NNT: variants seen among roughly 807,000 people sequenced by gnomAD.
NNT encodes the protein nicotinamide nucleotide transhydrogenase.
A neutral mutation model predicts 104.8 loss-of-function variants in NNT; 50 were observed. That is an observed-to-expected ratio of 0.48 (90% CI 0.38 to 0.60). NNT has a LOEUF of 0.60. Among genes scored for constraint, NNT ranks in the 20% least tolerant of loss-of-function variants. The probability of loss-of-function intolerance (pLI) is 0.00; values close to 1 mark genes in which losing one functional copy is unlikely to be tolerated. For missense variants in NNT, 1,131 were observed against 1,330.7 expected, an observed-to-expected ratio of 0.85 and a Z score of 2.33; for synonymous variants, 461 against 490.4, an observed-to-expected ratio of 0.94 and a Z score of 0.79.
chr5:43,640,138 T>G (rs1208050198), intron 7 of NNT, among the ~76,000 whole-genome samples: 2 of 152,168 alleles, frequency 1.3e-5, no homozygotes, highest in African/African-American at 4.8e-5. Context: ...TATCAGCCTT[T>G]GTCAGAAAGA....
chr5:43,610,542 G>C (rs1749449590), intron 2 of NNT, among the ~76,000 whole-genome samples: 2 of 152,188 alleles, frequency 1.3e-5, no homozygotes, highest in Admixed American at 1.3e-4. Context: ...TTGTCACCTA[G>C]AATAATGCCC....
Position 43,619,018 on chromosome 5 carries a change from AT to A in NNT, c.600-11del. 7.3e-7 allele frequency: 1 copy of A among 1,366,680 alleles called. No individual in the cohort carries two copies. The highest frequency in any genetic ancestry group is 1.7e-5 in the South Asian group (1 of 57,680). 84.7% of individuals were successfully genotyped at this position (1,366,680 alleles called of 1,614,324 possible). ...TATGGAATTATTTATTTATTTATTTATTTATTTTTAAAGTTATAAGGCTGTT... is the reference window on the plus strand; with the variant it reads ...TATGGAATTATTTATTTATTTATTTATTATTTTTAAAGTTATAAGGCTGTT... On this transcript the variant is annotated splice_polypyrimidine_tract_variant and intron_variant, in intron 4 of 21. Transcript: ENST00000344920.
At chr5:43,683,901 T>A (rs1741849294) in intron 19 of NNT, among the ~76,000 whole-genome samples, 1 of 152,116 alleles carries the variant, frequency 6.6e-6, no homozygotes, top group African/African-American at 2.4e-5. Context: ...GGCCTGGTAG[T>A]TGGATTTGGT....
rs540520330 is a variant in NNT, at chr5:43,704,872, C to T, written c.*468C>T. 4.0e-4 allele frequency: 62 copies of T among 155,042 alleles called. No individual in the cohort carries two copies. Among genetic ancestry groups the T allele is most frequent in the African/African-American group, 1.3e-3 (54 of 41,398 alleles). The allele number at this position is 155,042 out of a possible 1,614,324, so 9.6% of individuals were successfully genotyped here. A position where few individuals can be genotyped will look rare whatever the true frequency, so the allele number is the denominator to read the frequency against. ...GTGACTAATTTGAAACTTTTATGAA[C>T]TTCTGAGCTGTCCCCTTGCAATTCA... is the stretch of plus-strand genomic sequence containing the variant. On this transcript the variant is annotated 3_prime_UTR_variant, in exon 22 of 22. Transcript: ENST00000344920.
At chr5:43,691,666 T>C (rs1165229588) in intron 19 of NNT, among the ~76,000 whole-genome samples, 1 of 152,226 alleles carries the variant, frequency 6.6e-6, no homozygotes, top group African/African-American at 2.4e-5. Flanking sequence ...TGATTAATAA[T>C]GCAATGTGAT....
intron 7 of NNT, among the ~76,000 whole-genome samples, chr5:43,632,824 C>T (rs1750745717): frequency 6.6e-6 from 1 of 152,150 alleles, no homozygotes; most frequent in Admixed American, 6.5e-5. Context: ...TTTAGCATCC[C>T]TAGTGATCTG....
intron 17 of NNT, among the ~76,000 whole-genome samples, chr5:43,659,790 A>G (rs1740260075): frequency 6.6e-6 from 1 of 152,166 alleles, no homozygotes; most frequent in African/African-American, 2.4e-5. Context: ...AGAGTATTTC[A>G]TTTGCATAAA....
chr5:43,690,130 A>G (rs1742189798), intron 19 of NNT, among the ~76,000 whole-genome samples: 1 of 152,190 alleles, frequency 6.6e-6, no homozygotes, highest in East Asian at 1.9e-4. Flanking sequence ...TGGCCTTGCT[A>G]GAGATCGACA....
chr5:43,645,675 C>CTATA (rs1561286428), intron 10 of NNT, 165 bp downstream of exon 10: 1 of 90,404 alleles, frequency 1.1e-5, no homozygotes, highest in Non-Finnish European at 2.2e-5. Flanking sequence ...CTCTCTCTCT[C>CTATA]TCTCTCTCTA....
chr5:43,702,595 T>A (rs1742913129), intron 20 of NNT, 26 bp from the exon 21 acceptor site: 1 of 1,422,350 alleles, frequency 7.0e-7, no homozygotes, highest in Non-Finnish European at 9.6e-7. Flanking sequence ...AGTTTTATAT[T>A]CTTTCTTTTT....
chr5:43,674,353 G>A (rs758802021), intron 17 of NNT, among the ~76,000 whole-genome samples: 1 of 152,034 alleles, frequency 6.6e-6, no homozygotes, highest in African/African-American at 2.4e-5. Flanking sequence ...CACCAAGCTG[G>A]TAGCAGGCTG....
chr5:43,657,277 C>T (rs114769694), intron 16 of NNT, among the ~76,000 whole-genome samples: 2 of 152,188 alleles, frequency 1.3e-5, no homozygotes, highest in South Asian at 2.1e-4. Flanking sequence ...TTAAAAAACC[C>T]TGTATGCTCA....
At chr5:43,676,895 C>A (rs1256893459) in intron 18 of NNT, among the ~76,000 whole-genome samples, 1 of 151,920 alleles carries the variant, frequency 6.6e-6, no homozygotes, top group African/African-American at 2.4e-5. Flanking sequence ...ATGGGAGAAG[C>A]CAACGGGAAT....
chr5:43,646,143 G>C (rs2111846171), intron 10 of NNT, among the ~76,000 whole-genome samples: 1 of 152,250 alleles, frequency 6.6e-6, no homozygotes, highest in South Asian at 2.1e-4. Flanking sequence ...TACGGAATTG[G>C]AGATTACATT....
At chr5:43,643,207 C>T (rs1368374409) in intron 7 of NNT, among the ~76,000 whole-genome samples, 1 of 152,250 alleles carries the variant, frequency 6.6e-6, no homozygotes, top group Non-Finnish European at 1.5e-5. Context: ...GCTTGAGCCA[C>T]TGCACCCAGC....
chr5:43,703,064 T>G (rs927677002), intron 21 of NNT, among the ~76,000 whole-genome samples: 2 of 152,208 alleles, frequency 1.3e-5, no homozygotes, highest in Admixed American at 1.3e-4. Flanking sequence ...AGCAGATGGC[T>G]TCCCTCTGGG....
At chr5:43,665,845 G>A (rs1740627512) in intron 17 of NNT, among the ~76,000 whole-genome samples, 1 of 151,160 alleles carries the variant, frequency 6.6e-6, no homozygotes, top group African/African-American at 2.4e-5. Context: ...GTGGCTGGCC[G>A]GGCAGGGGCT....
At chr5:43,672,008 T>G in intron 17 of NNT, among the ~76,000 whole-genome samples, 1 of 152,314 alleles carries the variant, frequency 6.6e-6, no homozygotes, top group East Asian at 1.9e-4. Context: ...TCTCTAAACT[T>G]CTCTTCTCGC....
chr5:43,625,568 G>T (rs1325004222), intron 6 of NNT, among the ~76,000 whole-genome samples: 2 of 152,000 alleles, frequency 1.3e-5, no homozygotes, highest in African/African-American at 2.4e-5. Flanking sequence ...TTAAATTCTT[G>T]TTGGAAGATT....
Sources: gnomAD v4.1 joint callset for allele counts (sites outside exome capture counted in the v4.1 genomes callset) on GRCh38, gnomAD v4.1.1 for gene constraint, MANE v1.5 for transcripts, NCBI Gene and HGNC (gene_info 2026-07-23, HGNC 2026-07-21) for gene names.